The following LYPD6B variants were observed in gnomAD, a reference collection of about 807,000 sequenced individuals.
The protein encoded by LYPD6B is LY6/PLAUR domain containing 6B, also known as ly6/PLAUR domain-containing protein 6B.
In LYPD6B, 17 loss-of-function variants were observed where a neutral mutation model predicts 22.8. The observed-to-expected ratio is 0.75, with a 90% CI of 0.51 to 1.12. The LOEUF (loss-of-function observed/expected upper bound fraction) is 1.12. LYPD6B is among the 50% of genes most tolerant of loss of function. The pLI is 0.00. For missense variants in LYPD6B, 221 were observed against 258.3 expected (o/e 0.86, Z 0.99); for synonymous variants, 106 against 91.6 (o/e 1.16, Z -0.90).
At chr2:149,047,790 G>C (rs1461635203) in intron 1 of LYPD6B, among the ~76,000 whole-genome samples, 1 of 151,876 alleles carries the variant, frequency 6.6e-6, no homozygotes, top group Non-Finnish European at 1.5e-5. Flanking sequence ...ACAGCTCTTG[G>C]GCACTCCATT....
chr2:149,182,649 G>A lies in LYPD6B; in HGVS notation c.77+21814G>A, dbSNP rs545998479. 1.0e-3 allele frequency among the ~76,000 whole-genome samples: 152 copies of A among 152,318 alleles called. 2 individuals are homozygous for A. In the South Asian group the frequency reaches 0.03, roughly 30 times the overall value. On this transcript the variant is annotated intron_variant, in intron 3 of 6. Transcript: ENST00000409642. The stretch of plus-strand genomic sequence containing the variant: ...GTCCAGCTGTCAGTCCCTTGAATCA[G>A]CACTGCCTCTCTAAAGCTCTGTGGA...
chr2:149,207,382 G>A (rs1693566661), intron 4 of LYPD6B, among the ~76,000 whole-genome samples: 1 of 152,118 alleles, frequency 6.6e-6, no homozygotes. Context: ...AGAATGAAGA[G>A]AATGAAACAG....
Position 149,205,385 on chromosome 2 carries a change from T to A in LYPD6B, c.210T>A (p.Asn70Lys). 1 of 1,613,978 alleles carries A rather than the reference T, an allele frequency of 6.2e-7. No individual in the cohort carries two copies. ...WAFAKNINFY[N>K]VRPPLDPTPF... is the part of the protein sequence containing the mutation. ...TTGCCAAGAACATCAACTTCTATAA[T>A]GTGAGGCCTCCTCTCGACCGTAAGT... The change falls in exon 4 of 7, where the codon AAT becomes AAA. Residue 70 changes from asparagine to lysine, a missense_variant. Asn to Lys is a moderately conservative substitution (Grantham distance 94). Transcript: ENST00000409642.
chr2:149,214,632 TC>T lies in LYPD6B; in HGVS notation c.547del (p.Gln183ArgfsTer46), dbSNP rs1242772506. ...ATGCAGTGTTTGCCGTAATGCACGC[TC>T]AGAGAACATCTGGCAGCAGTGCCCC... is the stretch of plus-strand genomic sequence containing the variant. Reference protein sequence around the residue: ...TNAVFAVMHAQRTSGSSAPTL... With the variant: ...TNAVFAVMHAXRTSGSSAPTL... On this transcript the variant is annotated frameshift_variant, in exon 7 of 7. Transcript: ENST00000409642. LOFTEE classifies it low-confidence loss of function (END_TRUNC). 3 of 1,613,872 alleles carry T rather than the reference TC, an allele frequency of 1.9e-6. No homozygotes were observed. Among genetic ancestry groups the T allele is most frequent in the Non-Finnish European group, 2.5e-6 (3 of 1,179,882 alleles).
intron 1 of LYPD6B, among the ~76,000 whole-genome samples, chr2:149,082,749 C>G (rs1685192954): frequency 6.6e-6 from 1 of 152,120 alleles, no homozygotes; most frequent in African/African-American, 2.4e-5. Flanking sequence ...TATTTGAAAT[C>G]ATTTGGGGCT....
intron 3 of LYPD6B, among the ~76,000 whole-genome samples, chr2:149,185,404 G>A (rs992979926): frequency 3.9e-5 from 6 of 152,128 alleles, no homozygotes; most frequent in Admixed American, 3.3e-4. Flanking sequence ...TAATTAGAGC[G>A]ACTCCCTGAG....
At chr2:149,199,124 G>A (rs139853133) in intron 3 of LYPD6B, among the ~76,000 whole-genome samples, 3 of 152,244 alleles carry the variant, frequency 2.0e-5, no homozygotes, top group East Asian at 3.9e-4. Context: ...GGAGAAATGC[G>A]GGAAGCAGGC....
At chr2:149,088,977 C>G (rs1685523283) in intron 1 of LYPD6B, among the ~76,000 whole-genome samples, 1 of 152,262 alleles carries the variant, frequency 6.6e-6, no homozygotes, top group Non-Finnish European at 1.5e-5. Context: ...CTACCACATA[C>G]TTCCTTTTGA....
At chr2:149,175,508 G>T (rs1691228435) in intron 3 of LYPD6B, among the ~76,000 whole-genome samples, 1 of 151,816 alleles carries the variant, frequency 6.6e-6, no homozygotes, top group South Asian at 2.1e-4. Context: ...CTATACTTAG[G>T]CTACACTAAA....
rs146228143 is a variant in LYPD6B, at chr2:149,086,881, G to A, written c.-66-44002G>A. On this transcript the variant is annotated intron_variant, in intron 1 of 6. Coordinates refer to ENST00000409642, the MANE Select transcript of LYPD6B (RefSeq NM_177964.5). ...CATCAACTTCTCTCTGAAACCATCT[G>A]TGTCCAAATTTTCTTTTTGTTAAAT... Among the ~76,000 whole-genome samples the A allele has an allele frequency of 1.0e-3, 156 of 152,094 alleles. No individual in the cohort carries two copies. In the Middle Eastern group the frequency reaches 0.024, roughly 23 times the overall value.
At chr2:149,066,638 T>G (rs905454829) in intron 1 of LYPD6B, among the ~76,000 whole-genome samples, 8 of 152,032 alleles carry the variant, frequency 5.3e-5, no homozygotes, top group Non-Finnish European at 1.2e-4. Context: ...TCAAAAACAT[T>G]TATTAACTTC....
chr2:149,138,372 A>G (rs1688490542), intron 2 of LYPD6B, among the ~76,000 whole-genome samples: 1 of 152,232 alleles, frequency 6.6e-6, no homozygotes, highest in African/African-American at 2.4e-5. Flanking sequence ...ACTCCATAGT[A>G]TGTTCATGTT....
chr2:149,139,564 A>C (rs1688563229), intron 2 of LYPD6B, among the ~76,000 whole-genome samples: 1 of 152,180 alleles, frequency 6.6e-6, no homozygotes, highest in Non-Finnish European at 1.5e-5. Context: ...ATCTTTTCTC[A>C]TTCCTCATTT....
chr2:149,087,996 G>A (rs1174812054), intron 1 of LYPD6B, among the ~76,000 whole-genome samples: 1 of 152,094 alleles, frequency 6.6e-6, no homozygotes, highest in African/African-American at 2.4e-5. Flanking sequence ...TTAGTGCTCT[G>A]GTTTCTGGTC....
At chr2:149,073,286 C>T (rs1334282917) in intron 1 of LYPD6B, among the ~76,000 whole-genome samples, 2 of 152,200 alleles carry the variant, frequency 1.3e-5, no homozygotes, top group Non-Finnish European at 2.9e-5. Flanking sequence ...TGGGCAGAGG[C>T]ACCCTGACAG....
At chr2:149,049,087 C>G (rs1228017411) in intron 1 of LYPD6B, among the ~76,000 whole-genome samples, 2 of 152,146 alleles carry the variant, frequency 1.3e-5, no homozygotes, top group African/African-American at 4.8e-5. Context: ...ATGTAAATGG[C>G]CAAATGAAGT....
intron 3 of LYPD6B, among the ~76,000 whole-genome samples, chr2:149,189,763 T>C (rs2106048628): frequency 6.6e-6 from 1 of 152,264 alleles, no homozygotes; most frequent in African/African-American, 2.4e-5. Context: ...CTTAGCAGGA[T>C]CTCAGGGGAC....
At chr2:149,046,707 A>T (rs1266493279) in intron 1 of LYPD6B, among the ~76,000 whole-genome samples, 2 of 152,084 alleles carry the variant, frequency 1.3e-5, no homozygotes, top group South Asian at 4.2e-4. Flanking sequence ...AATAATATGT[A>T]TCTTTAATTA....
At chr2:149,165,978 T>C (rs1156881265) in intron 3 of LYPD6B, among the ~76,000 whole-genome samples, 1 of 152,148 alleles carries the variant, frequency 6.6e-6, no homozygotes, top group East Asian at 1.9e-4. Context: ...ACACTTATTA[T>C]CCCATGGAAC....
Sources: gnomAD v4.1 joint callset for allele counts (sites outside exome capture counted in the v4.1 genomes callset) on GRCh38, gnomAD v4.1.1 for gene constraint, MANE v1.5 for transcripts, NCBI Gene and HGNC (gene_info 2026-07-23, HGNC 2026-07-21) for gene names.